The following ADAR variants were observed in gnomAD, a reference collection of about 807,000 sequenced individuals.
ADAR encodes double-stranded RNA-specific adenosine deaminase.
A neutral mutation model predicts 113.2 loss-of-function variants in ADAR; 41 were observed. That is an observed-to-expected ratio of 0.36 (90% CI 0.28 to 0.47). The LOEUF (loss-of-function observed/expected upper bound fraction) is 0.47, where lower values mean the gene tolerates loss of function less well. Ranked by LOEUF, ADAR falls within the 20% of genes least tolerant of loss-of-function variation. ADAR has a pLI of 1.00. For missense variants in ADAR, 1,242 were observed against 1,540.9 expected, an observed-to-expected ratio of 0.81 and a Z score of 3.25; for synonymous variants, 605 against 572.6, an observed-to-expected ratio of 1.06 and a Z score of -0.81.
Position 154,590,218 on chromosome 1 carries a change from A to G in ADAR, c.2462T>C (p.Leu821Pro). 7.1e-7 allele frequency: 1 copy of G among 1,408,182 alleles called. No individual in the cohort carries two copies. Among genetic ancestry groups the G allele is most frequent in the Non-Finnish European group, 9.5e-7 (1 of 1,052,424 alleles). 87.2% of individuals were successfully genotyped at this position (1,408,182 alleles called of 1,614,324 possible). ...TGASLRRTML[L>P]LSRSPEAQPK... The stretch of plus-strand genomic sequence containing the variant: ...CTGTGCTTCTGGGGACCTTGAGAGG[A>G]GGAGCATAGTTCTTCTGAGACTGGC... The change falls in exon 7 of 15, where the codon CTC becomes CCC. Residue 821 changes from leucine to proline, a missense_variant. This residue lies in a region of ADAR where 780 missense variants were observed against 1,057.9 expected (regional missense o/e 0.74). Coordinates refer to ENST00000368474, the MANE Select transcript of ADAR (RefSeq NM_001111.5).
chr1:154,621,171 C>A (rs1698782473), intron 1 of ADAR, among the ~76,000 whole-genome samples: 1 of 152,006 alleles, frequency 6.6e-6, no homozygotes, highest in Admixed American at 6.5e-5. Flanking sequence ...AAAACATAGA[C>A]CTTTAATTAA....
intron 1 of ADAR, among the ~76,000 whole-genome samples, chr1:154,614,546 G>C (rs1222229166): frequency 6.6e-6 from 1 of 152,268 alleles, no homozygotes; most frequent in Non-Finnish European, 1.5e-5. Flanking sequence ...GGCAGCCACT[G>C]CCCTGCCTTC....
chr1:154,590,134 T>TCGGCG, intron 7 of ADAR, 50 bp downstream of exon 7: 4 of 1,447,030 alleles, frequency 2.8e-6, no homozygotes, highest in Non-Finnish European at 3.8e-6. Context: ...ACTTAGGAGT[T>TCGGCG]AGGAGGACCC....
Position 154,601,955 on chromosome 1 carries a change from C to T in ADAR, c.687G>A (p.Pro229=), listed in dbSNP as rs762320645. 1.4e-5 allele frequency: 22 copies of T among 1,607,724 alleles called. No individual in the cohort carries two copies. The highest frequency in any genetic ancestry group is 6.9e-5 in the African/African-American group (5 of 72,752). Residue 229 remains proline, a synonymous_variant, in exon 2 of 15, where the codon CCG becomes CCA. Coordinates refer to ENST00000368474, the MANE Select transcript of ADAR (RefSeq NM_001111.5). The surrounding 1 kb of genome is among the most constrained non-coding windows in gnomAD (Gnocchi z 4.7). ...AGACAGATGTGGAGTTTCTGTCTTC[C>T]GGTTCCAAACTCGGGTCTGAGTTTG... ...GAPNSDPSLE[P]EDRNSTSVSE...
rs751532191 is a variant in ADAR at position 154,601,999 on chromosome 1, C to T, written c.643G>A (p.Gly215Ser). The change falls in exon 2 of 15, where the codon GGT becomes AGT. Residue 215 changes from glycine to serine, a missense_variant. Around this residue, in one of 2 missense-constraint regions of ADAR, gnomAD observed 462 missense variants for 483.1 expected, o/e 0.96. Coordinates refer to ENST00000368474, the MANE Select transcript of ADAR (RefSeq NM_001111.5). This position sits in a 1 kb window ranked among gnomAD's most constrained non-coding sequence, Gnocchi z 4.7. ...GAGTTTGGGGCTCCTTGGCTATGACCGTCTGGTCTTACCACTCCGCTGTGC... is the reference window on the plus strand; with the variant it reads ...GAGTTTGGGGCTCCTTGGCTATGACTGTCTGGTCTTACCACTCCGCTGTGC... ...NQHSGVVRPD[G>S]HSQGAPNSDP... The T allele has an allele frequency of 1.9e-5, 30 of 1,612,290 alleles. No homozygotes were observed. In the Middle Eastern group the frequency reaches 5.0e-4, roughly 27 times the overall value.
Position 154,590,247 on chromosome 1 carries a change from T to C in ADAR, c.2433A>G (p.Thr811=), listed in dbSNP as rs757593613. The C allele has an allele frequency of 1.9e-6, 3 of 1,606,208 alleles. No homozygotes were observed. The highest frequency in any genetic ancestry group is 1.7e-4 in the Middle Eastern group (1 of 6,030). The part of the protein sequence containing the change: ...RMGFTEVTPV[T]GASLRRTMLL... Reference sequence around the variant, plus strand: ...GCATAGTTCTTCTGAGACTGGCCCCTGTCACTGGGGTTACCTCTGTGAAAC... The same window carrying C: ...GCATAGTTCTTCTGAGACTGGCCCCCGTCACTGGGGTTACCTCTGTGAAAC... Residue 811 remains threonine (T), a synonymous_variant, in exon 7 of 15, where the codon ACA becomes ACG. Transcript: ENST00000368474.
chr1:154,599,234 C>T (rs1337008845), intron 2 of ADAR, among the ~76,000 whole-genome samples: 8 of 152,152 alleles, frequency 5.3e-5, no homozygotes, highest in Non-Finnish European at 1.2e-4. Flanking sequence ...TAGCCTAGGC[C>T]CCCTTTGTTC....
rs1305626566 is a variant in ADAR, at chr1:154,596,484, C to T, written c.2270+321G>A. ...TGAACTCCCGACCTCAGGTAATCTA[C>T]CTGCCTCAACTTCCCAAAGTGCTGG... On this transcript the variant is annotated intron_variant, in intron 6 of 14. Coordinates refer to ENST00000368474, the MANE Select transcript of ADAR (RefSeq NM_001111.5). Among the ~76,000 whole-genome samples the T allele has an allele frequency of 2.6e-5, 4 of 152,328 alleles. No individual in the cohort carries two copies. The East Asian group carries it at 5.8e-4, about 22-fold the overall frequency.
chr1:154,591,857 C>A (rs1283152330), intron 6 of ADAR, among the ~76,000 whole-genome samples: 1 of 152,162 alleles, frequency 6.6e-6, no homozygotes, highest in Non-Finnish European at 1.5e-5. Flanking sequence ...CAGGCCCGTG[C>A]AGGCCAGTGG....
Position 154,601,601 on chromosome 1 carries a change from C to G in ADAR, c.1041G>C (p.Gly347=). Residue 347 remains glycine, a synonymous_variant, in exon 2 of 15, where the codon GGG becomes GGC. Transcript: ENST00000368474. The surrounding 1 kb of genome is among the most constrained non-coding windows in gnomAD (Gnocchi z 4.7). ...TCAAATGCCATATGGGAGGGGTTGT[C>G]CCTTGTCTATAGACATCCCCCTGCC... The part of the protein sequence containing the change: ...MERQGDVYRQ[G]TTPPIWHLTD... The G allele has an allele frequency of 6.2e-7, 1 of 1,612,758 alleles. No homozygotes were observed. Among genetic ancestry groups the G allele is most frequent in the East Asian group, 2.2e-5 (1 of 44,890 alleles).
chr1:154,623,956 T>C lies in ADAR; in HGVS notation c.-871+3899A>G, dbSNP rs1484064024. Reference sequence around the variant, plus strand: ...AGGTGGAGGTTGCCGCCAGCCAAGATCGTGCCACTGCACTCCAGCCTGGGG... The same window carrying C: ...AGGTGGAGGTTGCCGCCAGCCAAGACCGTGCCACTGCACTCCAGCCTGGGG... On this transcript the variant is annotated intron_variant, in intron 1 of 14. Transcript: ENST00000368471. Among the ~76,000 whole-genome samples the C allele has an allele frequency of 4.6e-5, 7 of 150,592 alleles. No individual in the cohort carries two copies. In the East Asian group the frequency reaches 1.4e-3, roughly 29 times the overall value.
chr1:154,612,319 T>G (rs942606952), upstream of ADAR, among the ~76,000 whole-genome samples: 14 of 18,108 alleles, frequency 7.7e-4, no homozygotes, highest in South Asian at 0.021. Context: ...AATTACTCAG[T>G]TTTTTTTTTT....
chr1:154,591,942 A>T (rs1697178082), intron 6 of ADAR, among the ~76,000 whole-genome samples: 1 of 152,250 alleles, frequency 6.6e-6, no homozygotes, highest in Non-Finnish European at 1.5e-5. Flanking sequence ...CAGATTGTGT[A>T]GTATCTTTAC....
intron 7 of ADAR, 30 bp downstream of exon 7, chr1:154,590,152 CCA>C: frequency 1.5e-6 from 2 of 1,333,478 alleles, no homozygotes; most frequent in Non-Finnish European, 2.1e-6. Flanking sequence ...CCCCCCCGCC[CCA>C]AAAAAGGCAC....
At position 154,601,841 on chromosome 1, in the gene ADAR, T is replaced by C. The variant is rs769331721; in HGVS notation, c.801A>G (p.Gln267=). The part of the protein sequence containing the change: ...SGVVRPDSHS[Q]GSPNSDPGLE... ...AACCTGGGTCTGAGTTTGGGGATCC[T>C]TGGCTATGACTGTCTGGTCTTACCA... Residue 267 remains glutamine, a synonymous_variant, in exon 2 of 15, where the codon CAA becomes CAG. Transcript: ENST00000368474. This position sits in a 1 kb window ranked among gnomAD's most constrained non-coding sequence, Gnocchi z 4.7. The C allele has an allele frequency of 1.9e-6, 3 of 1,614,260 alleles. No homozygotes were observed. The highest frequency in any genetic ancestry group is 3.3e-5 in the Admixed American group (2 of 60,030).
chr1:154,592,114 A>G (rs1156639141), intron 6 of ADAR, among the ~76,000 whole-genome samples: 1 of 152,236 alleles, frequency 6.6e-6, no homozygotes, highest in East Asian at 1.9e-4. Context: ...GGTAGCCACT[A>G]GCCAAATGGG....
chr1:154,588,036 G>T, intron 11 of ADAR, 89 bp downstream of exon 11: 1 of 1,588,514 alleles, frequency 6.3e-7, no homozygotes, highest in Admixed American at 1.7e-5. Context: ...GTGACTAATG[G>T]TAAAATCCTA....
chr1:154,625,397 G>T (rs1448669434), intron 1 of ADAR, among the ~76,000 whole-genome samples: 2 of 152,176 alleles, frequency 1.3e-5, no homozygotes, highest in Non-Finnish European at 2.9e-5. Flanking sequence ...CACACAGCTG[G>T]CTTCAAGTTC....
intron 12 of ADAR, 31 bp downstream of exon 12, chr1:154,586,150 C>A (rs771062539): frequency 5.6e-6 from 9 of 1,612,966 alleles, no homozygotes; most frequent in Non-Finnish European, 6.8e-6. Context: ...GAAGGACAGA[C>A]CAGTTCCAGA....
Sources: gnomAD v4.1 joint callset for allele counts (sites outside exome capture counted in the v4.1 genomes callset) on GRCh38, gnomAD v4.1.1 for gene constraint, gnomAD v4.1.1 regional missense constraint, Gnocchi (gnomAD v3.1) non-coding constraint, MANE v1.5 for transcripts, NCBI Gene and HGNC (gene_info 2026-07-23, HGNC 2026-07-21) for gene names.